KHDRBS2: variants seen among roughly 807,000 people sequenced by gnomAD.
KHDRBS2 encodes the protein KH domain-containing, RNA-binding, signal transduction-associated protein 2.
A neutral mutation model predicts 44.3 loss-of-function variants in KHDRBS2; 26 were observed. That is an observed-to-expected ratio of 0.59 (90% CI 0.43 to 0.81). KHDRBS2 has a LOEUF of 0.81. Among genes scored for constraint, KHDRBS2 ranks in the 40% least tolerant of loss-of-function variants. The pLI, the probability that KHDRBS2 is intolerant of heterozygous loss-of-function variation, is 0.00. For missense variants in KHDRBS2, 476 were observed against 433.1 expected (o/e 1.10, Z -0.88); for synonymous variants, 194 against 151.1 (o/e 1.28, Z -2.08).
chr6:61,762,604 C>T (rs956636159), intron 6 of KHDRBS2, among the ~76,000 whole-genome samples: 5 of 152,194 alleles, frequency 3.3e-5, no homozygotes, highest in Non-Finnish European at 5.9e-5. Flanking sequence ...CTACTCTACA[C>T]CTTGTACCGT....
intron 6 of KHDRBS2, among the ~76,000 whole-genome samples, chr6:61,838,278 G>A (rs1267048796): frequency 6.6e-6 from 1 of 151,856 alleles, no homozygotes. Context: ...CAATTTTTGA[G>A]ATGTTCAAAT....
chr6:61,872,640 C>A (rs1354545466), intron 6 of KHDRBS2, among the ~76,000 whole-genome samples: 1 of 152,016 alleles, frequency 6.6e-6, no homozygotes, highest in African/African-American at 2.4e-5. Context: ...AGGCCATGAA[C>A]AAGACAAATA....
intron 1 of KHDRBS2, among the ~76,000 whole-genome samples, chr6:62,201,997 G>T (rs764596690): frequency 1.3e-5 from 2 of 151,940 alleles, no homozygotes; most frequent in African/African-American, 4.8e-5. Context: ...AAAACTCTAA[G>T]TAATTACTTA....
At chr6:61,595,879 T>C in the KHDRBS2 span, among the ~76,000 whole-genome samples, 1 of 151,878 alleles carries the variant, frequency 6.6e-6, no homozygotes, top group Admixed American at 6.6e-5. Flanking sequence ...ATGACTTTAA[T>C]ATTTTAAATT....
intron 6 of KHDRBS2, among the ~76,000 whole-genome samples, 175 bp downstream of exon 6, chr6:61,894,460 A>C (rs909145604): frequency 1.1e-4 from 16 of 152,120 alleles, no homozygotes; most frequent in Non-Finnish European, 1.8e-4. Flanking sequence ...GTAAAATGAA[A>C]CCTTTTCTCA....
chr6:61,633,445 T>A, the KHDRBS2 span, among the ~76,000 whole-genome samples: 5 of 152,174 alleles, frequency 3.3e-5, no homozygotes, highest in South Asian at 1.0e-3. Context: ...TTATAGGTAA[T>A]TTCTAAGATT....
intron 2 of KHDRBS2, among the ~76,000 whole-genome samples, chr6:62,074,781 C>T (rs1338731306): frequency 6.6e-6 from 1 of 151,824 alleles, no homozygotes; most frequent in Non-Finnish European, 1.5e-5. Flanking sequence ...ATGTTCTCTT[C>T]ATATCCTCTA....
intron 4 of KHDRBS2, among the ~76,000 whole-genome samples, chr6:61,943,306 T>C (rs1404346486): frequency 6.6e-6 from 1 of 151,540 alleles, no homozygotes; most frequent in Admixed American, 6.6e-5. Context: ...CATGGAAGCA[T>C]ATGAAAGTAC....
intron 1 of KHDRBS2, among the ~76,000 whole-genome samples, chr6:62,220,557 T>C (rs1193316091): frequency 6.6e-6 from 1 of 151,606 alleles, no homozygotes; most frequent in Non-Finnish European, 1.5e-5. Context: ...TAACAGTAAA[T>C]GGAAATAGAG....
At chr6:61,564,879 C>G in the KHDRBS2 span, among the ~76,000 whole-genome samples, 2 of 152,008 alleles carry the variant, frequency 1.3e-5, no homozygotes, top group Non-Finnish European at 2.9e-5. Flanking sequence ...ATCATATTAC[C>G]TGACTTCAAA....
chr6:62,188,153 C>T (rs116535503), intron 1 of KHDRBS2, among the ~76,000 whole-genome samples: 172 of 152,112 alleles, frequency 1.1e-3, no homozygotes, highest in African/African-American at 4.0e-3. Context: ...GCCCTCATGA[C>T]CCAAACACCT....
chr6:61,561,794 T>C, the KHDRBS2 span, among the ~76,000 whole-genome samples: 1 of 152,176 alleles, frequency 6.6e-6, no homozygotes, highest in Admixed American at 6.5e-5. Context: ...AATAGTAGTT[T>C]TGAGTCAGTC....
At chr6:61,690,344 A>G (rs1767260172) in intron 8 of KHDRBS2, among the ~76,000 whole-genome samples, 1 of 151,924 alleles carries the variant, frequency 6.6e-6, no homozygotes, top group Admixed American at 6.6e-5. Flanking sequence ...TTTCTTGTAC[A>G]TGATCTGTTC....
chr6:61,798,448 A>T (rs1785732652), intron 6 of KHDRBS2, among the ~76,000 whole-genome samples: 1 of 152,134 alleles, frequency 6.6e-6, no homozygotes, highest in Non-Finnish European at 1.5e-5. Context: ...ACCATTAGAG[A>T]AGAGTAATTA....
Position 62,210,002 on chromosome 6 carries a change from T to C in KHDRBS2, c.92-32690A>G, listed in dbSNP as rs145855423. 1.1e-3 allele frequency among the ~76,000 whole-genome samples: 161 copies of C among 152,252 alleles called. 1 individual carries two copies. The highest frequency in any genetic ancestry group is 3.6e-3 in the African/African-American group (151 of 41,554). ...GCTTGTGGATGGCCTATTGAGGTAC[T>C]TCATCTTGTGATTCTGTGAGTCAAT... On this transcript the variant is annotated intron_variant, in intron 1 of 8. Coordinates refer to ENST00000281156, the MANE Select transcript of KHDRBS2 (RefSeq NM_152688.4).
intron 6 of KHDRBS2, among the ~76,000 whole-genome samples, chr6:61,806,374 TGAGAATACATAAAAATG>T (rs1787163722): frequency 6.6e-6 from 1 of 152,114 alleles, no homozygotes; most frequent in Admixed American, 6.6e-5. Flanking sequence ...AGTGAGGTCC[TGAGAATACATAAAAATG>T]GAGAGATGCC....
At chr6:62,159,200 A>C (rs1411336026) in intron 2 of KHDRBS2, among the ~76,000 whole-genome samples, 1 of 152,194 alleles carries the variant, frequency 6.6e-6, no homozygotes, top group Non-Finnish European at 1.5e-5. Flanking sequence ...TTCAGTAATG[A>C]CTTGAAAGTG....
At chr6:61,947,985 G>A (rs1290785699) in intron 4 of KHDRBS2, among the ~76,000 whole-genome samples, 1 of 150,968 alleles carries the variant, frequency 6.6e-6, no homozygotes, top group Non-Finnish European at 1.5e-5. Flanking sequence ...AGAACATGAA[G>A]TTCAGGAGAG....
intron 6 of KHDRBS2, among the ~76,000 whole-genome samples, chr6:61,848,550 T>C (rs1433043970): frequency 3.8e-5 from 2 of 52,514 alleles, no homozygotes; most frequent in Non-Finnish European, 6.2e-5. Context: ...TGTATATATA[T>C]ACATATATAT....
Sources: gnomAD v4.1 joint callset for allele counts (sites outside exome capture counted in the v4.1 genomes callset) on GRCh38, gnomAD v4.1.1 for gene constraint, MANE v1.5 for transcripts, NCBI Gene and HGNC (gene_info 2026-07-23, HGNC 2026-07-21) for gene names.